The following GPHN variants were observed in gnomAD, a reference collection of about 807,000 sequenced individuals.
GPHN encodes gephyrin.
Under a neutral mutation model 95.5 loss-of-function variants are expected in GPHN, and 17 were observed. That is an observed-to-expected ratio of 0.18 (90% confidence interval 0.12 to 0.27). The LOEUF (loss-of-function observed/expected upper bound fraction) is 0.27, where lower values mean the gene tolerates loss of function less well. Ranked by LOEUF, GPHN falls within the 10% of genes least tolerant of loss-of-function variation. The pLI is 1.00. For synonymous variants in GPHN, 320 were observed against 322.5 expected, an observed-to-expected ratio of 0.99 and a Z score of 0.08; for missense variants, 660 against 978.1, an observed-to-expected ratio of 0.67 and a Z score of 4.34.
At chr14:66,551,446 A>G (rs895653863) in intron 1 of GPHN, among the ~76,000 whole-genome samples, 3 of 152,092 alleles carry the variant, frequency 2.0e-5, no homozygotes, top group Non-Finnish European at 4.4e-5. Context: ...ATTTTACTCT[A>G]GATGTCATTT....
the GPHN span, chr14:67,302,536 C>T: frequency 3.2e-6 from 5 of 1,576,396 alleles, no homozygotes; most frequent in Non-Finnish European, 2.6e-6. Context: ...CATTGAAATT[C>T]GGGGGAAAGA....
intron 2 of GPHN, among the ~76,000 whole-genome samples, chr14:66,769,221 C>G (rs1392326485): frequency 6.6e-6 from 1 of 152,036 alleles, no homozygotes; most frequent in Non-Finnish European, 1.5e-5. Flanking sequence ...TCTAATCTTT[C>G]ACTTCTTAAA....
chr14:67,593,759 T>C, the GPHN span: 60 of 1,609,730 alleles, frequency 3.7e-5, no homozygotes, highest in East Asian at 1.6e-4. Context: ...AATGGCCTCA[T>C]TGATGACAAT....
At chr14:66,751,213 A>T (rs921073565) in intron 2 of GPHN, among the ~76,000 whole-genome samples, 1 of 151,956 alleles carries the variant, frequency 6.6e-6, no homozygotes, top group Non-Finnish European at 1.5e-5. Flanking sequence ...TATACCCAAT[A>T]ATGGGATTGC....
At chr14:67,665,740 G>A in the GPHN span, among the ~76,000 whole-genome samples, 1 of 152,144 alleles carries the variant, frequency 6.6e-6, no homozygotes. Context: ...AAGGGCAAAT[G>A]ACAACACACC....
At chr14:66,743,324 AC>A (rs1359760711) in intron 2 of GPHN, among the ~76,000 whole-genome samples, 1 of 152,006 alleles carries the variant, frequency 6.6e-6, no homozygotes, top group Non-Finnish European at 1.5e-5. Context: ...AAAATTAATT[AC>A]TTTTCAAGGT....
chr14:66,816,307 T>C (rs1165315301), intron 3 of GPHN, among the ~76,000 whole-genome samples: 1 of 152,154 alleles, frequency 6.6e-6, no homozygotes, highest in African/African-American at 2.4e-5. Flanking sequence ...ATGGACCTGA[T>C]AGATATCTAC....
the GPHN span, among the ~76,000 whole-genome samples, chr14:67,244,948 AG>A: frequency 3.9e-5 from 6 of 152,218 alleles, no homozygotes; most frequent in African/African-American, 1.4e-4. Context: ...AGAGAGAGGC[AG>A]AAGAGTAGAG....
intron 8 of GPHN, among the ~76,000 whole-genome samples, chr14:66,937,051 G>A (rs188211811): frequency 2.8e-4 from 43 of 152,160 alleles, no homozygotes; most frequent in Admixed American, 1.5e-3. Context: ...CACCCATGTC[G>A]GAGTGCAGTG....
chr14:67,574,549 C>T, the GPHN span: 18 of 602,172 alleles, frequency 3.0e-5, no homozygotes, highest in Non-Finnish European at 4.0e-5. This position sits in a 1 kb window ranked among gnomAD's most constrained non-coding sequence, Gnocchi z 4.2. Flanking sequence ...GGCCAGCCCT[C>T]AAACGTGGTC....
At chr14:67,041,879 G>C (rs1165332255) in intron 10 of GPHN, among the ~76,000 whole-genome samples, 1 of 152,100 alleles carries the variant, frequency 6.6e-6, no homozygotes, top group Non-Finnish European at 1.5e-5. Flanking sequence ...TCCAGCATCT[G>C]TTGTTTCCTG....
At chr14:67,025,318 T>G (rs951452795) in intron 10 of GPHN, among the ~76,000 whole-genome samples, 3 of 152,164 alleles carry the variant, frequency 2.0e-5, no homozygotes, top group Non-Finnish European at 2.9e-5. Context: ...AGGAAAAACA[T>G]AGACATAGGC....
intron 2 of GPHN, among the ~76,000 whole-genome samples, chr14:66,705,726 G>C (rs917324345): frequency 2.0e-5 from 3 of 152,158 alleles, no homozygotes; most frequent in Non-Finnish European, 2.9e-5. Flanking sequence ...ATGGGCAAAA[G>C]CTAGAAGCAT....
intron 13 of GPHN, among the ~76,000 whole-genome samples, chr14:67,109,006 G>A (rs947782059): frequency 6.6e-6 from 1 of 152,056 alleles, no homozygotes; most frequent in Non-Finnish European, 1.5e-5. Flanking sequence ...ACACAAACCT[G>A]CATGAGTAGC....
chr14:67,504,548 T>C, the GPHN span, among the ~76,000 whole-genome samples: 2 of 152,002 alleles, frequency 1.3e-5, no homozygotes, highest in Non-Finnish European at 2.9e-5. Context: ...ACAATGATGG[T>C]TTTGATGATA....
At chr14:66,612,792 C>T (rs909783104) in intron 1 of GPHN, among the ~76,000 whole-genome samples, 4 of 151,976 alleles carry the variant, frequency 2.6e-5, no homozygotes, top group African/African-American at 4.8e-5. Flanking sequence ...TTGTTCTTTC[C>T]ATGTAAATGG....
chr14:67,682,023 C>T, the GPHN span, among the ~76,000 whole-genome samples: 10 of 152,206 alleles, frequency 6.6e-5, no homozygotes, highest in African/African-American at 2.2e-4. Flanking sequence ...CATGTGATGC[C>T]CTCTGCCATA....
In GPHN at chr14:66,750,749, G is replaced by A. The variant is rs546547443; in HGVS notation, c.144-25715G>A. 1.6e-4 allele frequency among the ~76,000 whole-genome samples: 24 copies of A among 151,930 alleles called. 1 individual carries two copies. The South Asian group carries it at 5.0e-3, about 32-fold the overall frequency. ...TGAATCCAAAAACAAATGAAATCAA[G>A]GTTTGATTAAACCGGTTCTAAGACT... On this transcript the variant is annotated intron_variant, in intron 2 of 22. Transcript: ENST00000478722.
intron 8 of GPHN, among the ~76,000 whole-genome samples, chr14:66,931,422 C>A (rs1315438733): frequency 6.6e-6 from 1 of 152,062 alleles, no homozygotes; most frequent in African/African-American, 2.4e-5. Context: ...TTGTTAATAT[C>A]TCTTTGAATA....
Sources: allele counts gnomAD v4.1 joint callset (sites outside exome capture counted in the v4.1 genomes callset), GRCh38; gene constraint gnomAD v4.1.1; non-coding constraint Gnocchi (gnomAD v3.1); transcripts MANE v1.5; gene names NCBI Gene and HGNC (gene_info 2026-07-23, HGNC 2026-07-21).